Variants in MRPL50 observed in about 807,000 individuals in gnomAD.
MRPL50 encodes the protein large ribosomal subunit protein mL50.
MRPL50 carries 10 observed loss-of-function variants against 16.2 expected under a neutral mutation model. The observed-to-expected ratio is 0.62, with a 90% CI of 0.38 to 1.05. The LOEUF (loss-of-function observed/expected upper bound fraction) is 1.05, where lower values mean the gene tolerates loss of function less well. MRPL50 is among the 50% of genes least tolerant of loss of function. The pLI, the probability that MRPL50 is intolerant of heterozygous loss-of-function variation, is 0.01. For missense variants in MRPL50, 213 were observed against 187.1 expected, an observed-to-expected ratio of 1.14 and a Z score of -0.81; for synonymous variants, 68 against 66.8, an observed-to-expected ratio of 1.02 and a Z score of -0.09.
chr9:101,396,845 G>A (rs1445362415), intron 1 of MRPL50, among the ~76,000 whole-genome samples: 8 of 152,100 alleles, frequency 5.3e-5, no homozygotes, highest in Admixed American at 4.6e-4. Context: ...GGGAGGCTGA[G>A]GCAGGAGAAT....
Position 101,388,419 on chromosome 9 carries a change from T to C in MRPL50, c.*2047A>G, listed in dbSNP as rs1317757005. 6.6e-6 allele frequency: 1 copy of C among 152,040 alleles called. No homozygotes were observed. The highest frequency in any genetic ancestry group is 1.5e-5 in the Non-Finnish European group (1 of 67,986). The allele number at this position is 152,040 out of a possible 1,614,324, so 9.4% of individuals were successfully genotyped here. A position where few individuals can be genotyped will look rare whatever the true frequency, so the allele number is the denominator to read the frequency against. ...CGTGTCTCTGGATCAGAAGGAAAAA[T>C]TGTATAGAAAATGAGATAATGAAAT... On this transcript the variant is annotated 3_prime_UTR_variant, in exon 2 of 2. Coordinates refer to ENST00000374865, the MANE Select transcript of MRPL50 (RefSeq NM_019051.3).
chr9:101,396,832 C>T (rs1172835941), intron 1 of MRPL50, among the ~76,000 whole-genome samples: 2 of 152,042 alleles, frequency 1.3e-5, no homozygotes, highest in East Asian at 1.9e-4. Flanking sequence ...GTCCCAGCTA[C>T]TCGGGAGGCT....
At chr9:101,395,481 C>CT (rs1386239238) in intron 1 of MRPL50, among the ~76,000 whole-genome samples, 1 of 152,118 alleles carries the variant, frequency 6.6e-6, no homozygotes, top group African/African-American at 2.4e-5. Context: ...TATTACAGCA[C>CT]TATTCACAAT....
chr9:101,393,288 A>G (rs906208011), intron 1 of MRPL50, among the ~76,000 whole-genome samples: 14 of 152,128 alleles, frequency 9.2e-5, no homozygotes, highest in Non-Finnish European at 2.9e-5. Flanking sequence ...AAAAACTCAA[A>G]GCCTTTCCTC....
At position 101,390,842 on chromosome 9, in the gene MRPL50, T is replaced by C; in HGVS notation, c.101A>G (p.Lys34Arg). 3.8e-6 allele frequency: 6 copies of C among 1,592,202 alleles called. No homozygotes were observed. The highest frequency in any genetic ancestry group is 5.1e-6 in the Non-Finnish European group (6 of 1,172,290). The change falls in exon 2 of 2, where the codon AAA becomes AGA. Residue 34 changes from lysine to arginine, a missense_variant. Transcript: ENST00000374865. ...REFWSRFRKEKEPVVVETVEE... is the reference protein window; with the variant it reads ...REFWSRFRKEREPVVVETVEE... ...TACTGTCTCAACAACCACTGGCTCT[T>C]TCTCTTTTCTGGAATGATCAAAAAC... is the stretch of plus-strand genomic sequence containing the variant.
rs1460083451 is a variant in MRPL50, at chr9:101,389,351, C to T, written c.*1115G>A. ...TCTAAGCTCCAGAGCTCCAGGCACT[C>T]TGACACCTGAAGTTCTTGAATGAAG... On this transcript the variant is annotated 3_prime_UTR_variant, in exon 2 of 2. Transcript: ENST00000374865. 1.3e-5 allele frequency: 10 copies of T among 782,706 alleles called. No individual in the cohort carries two copies. Among genetic ancestry groups the T allele is most frequent in the Non-Finnish European group, 1.8e-5 (10 of 554,562 alleles). 48.5% of individuals were successfully genotyped at this position (782,706 alleles called of 1,614,324 possible). A position where few individuals can be genotyped will look rare whatever the true frequency, so the allele number is the denominator to read the frequency against.
chr9:101,396,259 CAG>C (rs1336293811), intron 1 of MRPL50, among the ~76,000 whole-genome samples: 2 of 152,148 alleles, frequency 1.3e-5, no homozygotes, highest in Non-Finnish European at 2.9e-5. Context: ...AAGTTATAAA[CAG>C]AACTATCCTA....
At chr9:101,398,403 G>T in intron 1 of MRPL50, 98 bp downstream of exon 1, 1 of 1,176,516 alleles carries the variant, frequency 8.5e-7, no homozygotes, top group Non-Finnish European at 1.2e-6. Context: ...CTCTGATCAG[G>T]CGCGGGACCA....
chr9:101,397,352 C>G (rs1830365993), intron 1 of MRPL50, among the ~76,000 whole-genome samples: 1 of 152,048 alleles, frequency 6.6e-6, no homozygotes, highest in African/African-American at 2.4e-5. Flanking sequence ...ATTATCTTGA[C>G]TAATAATCAA....
At chr9:101,396,915 C>T (rs754607694) in intron 1 of MRPL50, among the ~76,000 whole-genome samples, 5 of 152,050 alleles carry the variant, frequency 3.3e-5, no homozygotes, top group Admixed American at 2.0e-4. Flanking sequence ...GCACTCCAGC[C>T]TGGAGACAGA....
rs770145172 is a variant in MRPL50 at position 101,390,648 on chromosome 9, T to G, written c.295A>C (p.Asn99His). 4 of 1,613,550 alleles carry G rather than the reference T, an allele frequency of 2.5e-6. No homozygotes were observed. Among genetic ancestry groups the G allele is most frequent in the Non-Finnish European group, 3.4e-6 (4 of 1,179,592 alleles). The change falls in exon 2 of 2, where the codon AAT (asparagine) becomes CAT (histidine). Residue 99 changes from asparagine (N) to histidine (H), a missense_variant. Physicochemically the swap from Asn to His is moderately conservative, Grantham distance 68. Transcript: ENST00000374865. The stretch of plus-strand genomic sequence containing the variant: ...TCATCAGCTAAATGAGCCAGAAGAT[T>G]GAACTTTAGACGACTATCTTCCAGG... ...ISLEDSRLKF[N>H]LLAHLADDLG... is the part of the protein sequence containing the mutation.
Position 101,390,400 on chromosome 9 carries a change from ATC to A in MRPL50, c.*64_*65del. The A allele has an allele frequency of 6.5e-7, 1 of 1,538,170 alleles. No homozygotes were observed. The highest frequency in any genetic ancestry group is 1.3e-5 in the South Asian group (1 of 76,522). Reference sequence around the variant, plus strand: ...ATTTCACATGGTAAAGTATCAAAAGATCTAATGAGCAGCCCCCTTGCTCAGGG... The same window carrying A: ...ATTTCACATGGTAAAGTATCAAAAGATAATGAGCAGCCCCCTTGCTCAGGG... On this transcript the variant is annotated 3_prime_UTR_variant, in exon 2 of 2. Transcript: ENST00000374865.
intron 1 of MRPL50, among the ~76,000 whole-genome samples, chr9:101,392,056 C>T (rs1830280512): frequency 6.6e-6 from 1 of 151,908 alleles, no homozygotes; most frequent in Admixed American, 6.6e-5. Context: ...ATAACATGCT[C>T]CCAAATGACC....
chr9:101,398,464 C>T (rs754039883), intron 1 of MRPL50, 37 bp downstream of exon 1: 64 of 1,580,110 alleles, frequency 4.1e-5, no homozygotes, highest in Non-Finnish European at 5.1e-5. Context: ...CCTTAACTTT[C>T]CTTGAACATG....
rs1253100653 is a variant in MRPL50, at chr9:101,389,129, C to T, written c.*1337G>A. 1 of 153,932 alleles carries T rather than the reference C, an allele frequency of 6.5e-6. No homozygotes were observed. The highest frequency in any genetic ancestry group is 1.4e-5 in the Non-Finnish European group (1 of 69,352). The allele number at this position is 153,932 out of a possible 1,614,324, so 9.5% of individuals were successfully genotyped here. On this transcript the variant is annotated 3_prime_UTR_variant, in exon 2 of 2. Transcript: ENST00000374865. Reference sequence around the variant, plus strand: ...ATTTACATATTTACATAACTAAATACATTGTATTCACAATTGTAAATACTA... The same window carrying T: ...ATTTACATATTTACATAACTAAATATATTGTATTCACAATTGTAAATACTA...
In MRPL50 at chr9:101,389,407, T is replaced by C; in HGVS notation, c.*1059A>G. The C allele has an allele frequency of 8.1e-7, 1 of 1,229,168 alleles. No individual in the cohort carries two copies. The highest frequency in any genetic ancestry group is 1.1e-6 in the Non-Finnish European group (1 of 935,138). 76.1% of individuals were successfully genotyped at this position (1,229,168 alleles called of 1,614,324 possible). A position where few individuals can be genotyped will look rare whatever the true frequency, so the allele number is the denominator to read the frequency against. On this transcript the variant is annotated 3_prime_UTR_variant, in exon 2 of 2. Coordinates refer to ENST00000374865, the MANE Select transcript of MRPL50 (RefSeq NM_019051.3). ...GTGGATGATATTTGTAGGGCATGTC[T>C]ATACTGTTAACTAATTTTCTTCATG...
chr9:101,398,450 T>C (rs752836123), intron 1 of MRPL50, 51 bp downstream of exon 1: 9 of 1,532,676 alleles, frequency 5.9e-6, no homozygotes, highest in Non-Finnish European at 8.1e-6. Flanking sequence ...TCGTCCCTAA[T>C]CCTCCTTAAC....
At position 101,389,475 on chromosome 9, in the gene MRPL50, C is replaced by T. The variant is rs1229252715; in HGVS notation, c.*991G>A. 7.0e-6 allele frequency: 9 copies of T among 1,287,282 alleles called. No homozygotes were observed. Among genetic ancestry groups the T allele is most frequent in the South Asian group, 4.9e-5 (4 of 80,854 alleles). 79.7% of individuals were successfully genotyped at this position (1,287,282 alleles called of 1,614,324 possible). A position where few individuals can be genotyped will look rare whatever the true frequency, so the allele number is the denominator to read the frequency against. ...ATTCCCAACTGAATTTTGCCCTCTT[C>T]AAAGGAGTAACCCTGGGAAAGAGAA... is the stretch of plus-strand genomic sequence containing the variant. On this transcript the variant is annotated 3_prime_UTR_variant, in exon 2 of 2. Transcript: ENST00000374865.
intron 1 of MRPL50, among the ~76,000 whole-genome samples, chr9:101,394,012 A>G (rs1830308470): frequency 7.1e-6 from 1 of 140,034 alleles, no homozygotes; most frequent in Non-Finnish European, 1.5e-5. Flanking sequence ...AAAAAAAAAA[A>G]GACCACACCT....
Sources: allele counts gnomAD v4.1 joint callset (sites outside exome capture counted in the v4.1 genomes callset), GRCh38; gene constraint gnomAD v4.1.1; transcripts MANE v1.5; gene names NCBI Gene and HGNC (gene_info 2026-07-23, HGNC 2026-07-21).